The following GPR19 variants were observed in gnomAD, a reference collection of about 807,000 sequenced individuals.
GPR19 encodes the protein G protein-coupled receptor 19, also known as probable G protein-coupled receptor 19.
GPR19 carries 14 observed loss-of-function variants against 28.5 expected under a neutral mutation model. That is an observed-to-expected ratio of 0.49 (90% confidence interval 0.32 to 0.77). The LOEUF (loss-of-function observed/expected upper bound fraction) is 0.77. GPR19 is among the 30% of genes least tolerant of loss of function. The probability of loss-of-function intolerance (pLI) is 0.03; values close to 1 mark genes in which losing one functional copy is unlikely to be tolerated. For synonymous variants in GPR19, 173 were observed against 184.1 expected, an observed-to-expected ratio of 0.94 and a Z score of 0.49; for missense variants, 409 against 504.1, an observed-to-expected ratio of 0.81 and a Z score of 1.81.
chr12:12,712,417 G>T, the GPR19 span, among the ~76,000 whole-genome samples: 1 of 152,202 alleles, frequency 6.6e-6, no homozygotes, highest in Non-Finnish European at 1.5e-5. Context: ...TTTGGACGCT[G>T]ATCATTCTCT....
At position 12,662,286 on chromosome 12, in the gene GPR19, C is replaced by G. The variant is rs1945688913; in HGVS notation, c.163G>C (p.Asp55His). 1 of 1,614,102 alleles carries G rather than the reference C, an allele frequency of 6.2e-7. No homozygotes were observed. Among genetic ancestry groups the G allele is most frequent in the Admixed American group, 1.7e-5 (1 of 60,008 alleles). The change falls in exon 4 of 4, where the codon GAC becomes CAC. Residue 55 changes from aspartate (D) to histidine (H), a missense_variant. Coordinates refer to ENST00000651487, the MANE Select transcript of GPR19 (RefSeq NM_006143.3). ...CCGGGTTTCAGCACATAGTGAAGGT[C>G]TGTTTGGTTGCTCATCCAACTGTGC... ...EEHSWMSNQTDLHYVLKPGEV... is the reference protein window; with the variant it reads ...EEHSWMSNQTHLHYVLKPGEV...
rs191279675 is a variant in GPR19, at chr12:12,673,936, A to G, written c.-23+10415T>C. Among the ~76,000 whole-genome samples, 510 of 152,136 alleles carry G rather than the reference A, an allele frequency of 3.4e-3. 1 individual carries two copies. Among genetic ancestry groups the G allele is most frequent in the African/African-American group, 0.012 (480 of 41,512 alleles). The stretch of plus-strand genomic sequence containing the variant: ...TAGGTGGCCAAGCATAGAAGCAGGG[A>G]GAATAGTTAACAGGCTATTACACCC... On this transcript the variant is annotated intron_variant, in intron 3 of 3. Transcript: ENST00000651487.
At chr12:12,710,574 G>T in the GPR19 span, among the ~76,000 whole-genome samples, 2 of 152,112 alleles carry the variant, frequency 1.3e-5, no homozygotes, top group Non-Finnish European at 2.9e-5. Context: ...TACAGACAGA[G>T]TCTCCCTCTG....
the GPR19 span, chr12:12,716,612 T>TG: frequency 5.0e-5 from 7 of 140,756 alleles, no homozygotes; most frequent in Admixed American, 1.7e-3. Flanking sequence ...TAGAGTTTTT[T>TG]GTTTTTTTTT....
chr12:12,682,445 A>G (rs1946035966), intron 3 of GPR19, among the ~76,000 whole-genome samples: 1 of 152,206 alleles, frequency 6.6e-6, no homozygotes, highest in Admixed American at 6.5e-5. Context: ...AGAATATGTC[A>G]TTGTTTTGAG....
intron 2 of GPR19, chr12:12,684,773 TCACC>T (rs1018387543): frequency 1.3e-3 from 200 of 152,340 alleles, no homozygotes; most frequent in African/African-American, 4.7e-3. Context: ...GAAGATTCAA[TCACC>T]CAAACCTCCT....
chr12:12,699,932 AT>A (rs1235530557), upstream of GPR19, among the ~76,000 whole-genome samples: 3 of 152,088 alleles, frequency 2.0e-5, no homozygotes, highest in African/African-American at 7.2e-5. Flanking sequence ...CTCATATGAA[AT>A]GTTTCAAATA....
At chr12:12,710,280 G>C in the GPR19 span, among the ~76,000 whole-genome samples, 4 of 151,366 alleles carry the variant, frequency 2.6e-5, no homozygotes, top group Non-Finnish European at 5.9e-5. Context: ...TTGAACCTGG[G>C]AGGTGGAGGT....
chr12:12,699,576 G>A (rs929883717), upstream of GPR19, among the ~76,000 whole-genome samples: 1 of 152,188 alleles, frequency 6.6e-6, no homozygotes, highest in Non-Finnish European at 1.5e-5. Context: ...TTGAGCCCAA[G>A]AGTTCAAGTC....
the GPR19 span, among the ~76,000 whole-genome samples, chr12:12,705,016 C>A: frequency 6.6e-6 from 1 of 152,096 alleles, no homozygotes; most frequent in South Asian, 2.1e-4. Context: ...AATTGATACA[C>A]CAATATAGAA....
chr12:12,670,960 A>G (rs968212383), intron 3 of GPR19, among the ~76,000 whole-genome samples: 5 of 152,160 alleles, frequency 3.3e-5, no homozygotes, highest in African/African-American at 1.2e-4. Context: ...AAAATACATA[A>G]TACAACTGGA....
At chr12:12,686,766 T>C (rs1454767065) in intron 2 of GPR19, among the ~76,000 whole-genome samples, 1 of 152,234 alleles carries the variant, frequency 6.6e-6, no homozygotes, top group East Asian at 1.9e-4. Flanking sequence ...CAATTTAATG[T>C]GTTGTGACTT....
At chr12:12,679,605 G>C (rs530593424) in intron 3 of GPR19, among the ~76,000 whole-genome samples, 2 of 150,842 alleles carry the variant, frequency 1.3e-5, no homozygotes, top group Admixed American at 6.6e-5. Flanking sequence ...AGTGAGCCAT[G>C]AGTGTACTAC....
upstream of GPR19, among the ~76,000 whole-genome samples, chr12:12,697,773 C>T (rs550113792): frequency 6.6e-6 from 1 of 152,166 alleles, no homozygotes; most frequent in African/African-American, 2.4e-5. Flanking sequence ...GATTTTCTCA[C>T]GTTCAATATG....
rs538399519 is a variant in GPR19 at position 12,695,005 on chromosome 12, C to T, written c.-180+454G>A. 4.6e-5 allele frequency among the ~76,000 whole-genome samples: 7 copies of T among 152,220 alleles called. No homozygotes were observed. In the South Asian group the frequency reaches 1.5e-3, roughly 32 times the overall value. On this transcript the variant is annotated intron_variant, in intron 2 of 3. Transcript: ENST00000651487. ...CCATGCCTGGCTCTTTACTGAAGTA[C>T]TTCCATTCTATATATTCACACTGGG...
intron 1 of GPR19, 62 bp downstream of exon 1, chr12:12,696,003 C>G (rs1452823760): frequency 6.6e-6 from 1 of 152,212 alleles, no homozygotes; most frequent in Non-Finnish European, 1.5e-5. Flanking sequence ...ACTTCAGTCG[C>G]TGAAACCTCC....
intron 2 of GPR19, among the ~76,000 whole-genome samples, chr12:12,690,977 C>A (rs1367261161): frequency 6.6e-6 from 1 of 152,112 alleles, no homozygotes; most frequent in South Asian, 2.1e-4. Context: ...ATAAGTGTTA[C>A]TGTGGCTTCA....
At chr12:12,662,893 C>T (rs1592250889) in intron 3 of GPR19, among the ~76,000 whole-genome samples, 1 of 152,206 alleles carries the variant, frequency 6.6e-6, no homozygotes, top group East Asian at 1.9e-4. Context: ...CCTAAGGTTG[C>T]AAAAGAGGAA....
intron 3 of GPR19, among the ~76,000 whole-genome samples, chr12:12,665,819 C>CAAAAAAAAAAAAAA (rs528302150): frequency 1.3e-4 from 10 of 75,738 alleles, no homozygotes; most frequent in East Asian, 5.0e-4. Flanking sequence ...GACTCCGTCT[C>CAAAAAAAAAAAAAA]AAAAAAAAAA....
Sources: gnomAD v4.1 joint callset for allele counts (sites outside exome capture counted in the v4.1 genomes callset) on GRCh38, gnomAD v4.1.1 for gene constraint, MANE v1.5 for transcripts, NCBI Gene and HGNC (gene_info 2026-07-23, HGNC 2026-07-21) for gene names.